The following KCNC1 variants were observed in gnomAD, a reference collection of about 807,000 sequenced individuals.
KCNC1 encodes voltage-gated potassium channel KCNC1.
Under a neutral mutation model 43.4 loss-of-function variants are expected in KCNC1, and 8 were observed. The observed-to-expected ratio is 0.18, with a 90% CI of 0.11 to 0.33. The LOEUF is 0.33. KCNC1 is among the 10% of genes least tolerant of loss of function. The probability of loss-of-function intolerance (pLI) is 1.00; values close to 1 mark genes in which losing one functional copy is unlikely to be tolerated. For missense variants in KCNC1, 420 were observed against 836.0 expected (o/e 0.50, Z 6.14); for synonymous variants, 361 against 360.5 (o/e 1.00, Z -0.01).
intron 1 of KCNC1, among the ~76,000 whole-genome samples, chr11:17,743,878 G>A (rs1052738925): frequency 2.6e-5 from 4 of 152,142 alleles, no homozygotes; most frequent in Non-Finnish European, 4.4e-5. Context: ...TCCTGCCCTC[G>A]CTGACGTCAT....
rs1018608386 is a variant in KCNC1, at chr11:17,776,811, G to T, written c.1505-2645G>T. ...GATTTATACAGTTGGCCCCTCGTTG[G>T]TTTCTCTTTCTTCAAGCCACCCCTC... On this transcript the variant is annotated intron_variant, in intron 2 of 3. Coordinates refer to ENST00000265969, the MANE Select transcript of KCNC1 (RefSeq NM_001112741.2). This position sits in a 1 kb window ranked among gnomAD's most constrained non-coding sequence, Gnocchi z 4.4. 6.1e-6 allele frequency: 6 copies of T among 985,380 alleles called. No homozygotes were observed. Among genetic ancestry groups the T allele is most frequent in the Non-Finnish European group, 7.2e-6 (6 of 830,092 alleles). 61.0% of individuals were successfully genotyped at this position (985,380 alleles called of 1,614,324 possible).
intron 1 of KCNC1, chr11:17,765,786 G>C (rs1170357080): frequency 1.3e-5 from 2 of 152,374 alleles, no homozygotes; most frequent in East Asian, 3.9e-4. Context: ...TGTGCCCCCT[G>C]TCAGGCCGGC....
intron 1 of KCNC1, among the ~76,000 whole-genome samples, chr11:17,740,794 G>A (rs1457022364): frequency 6.6e-6 from 1 of 152,148 alleles, no homozygotes; most frequent in Non-Finnish European, 1.5e-5. Flanking sequence ...TCCTGTGTCT[G>A]TCTCTCTGCC....
intron 1 of KCNC1, among the ~76,000 whole-genome samples, chr11:17,766,421 T>C (rs1186760047): frequency 2.6e-5 from 4 of 152,158 alleles, no homozygotes; most frequent in Non-Finnish European, 5.9e-5. Flanking sequence ...GTGGCTTGGA[T>C]TGGGAAGCAG....
chr11:17,742,401 G>A lies in KCNC1; in HGVS notation c.570+5829G>A, dbSNP rs1414483807. 1.3e-5 allele frequency among the ~76,000 whole-genome samples: 2 copies of A among 152,150 alleles called. No homozygotes were observed. The highest frequency in any genetic ancestry group is 2.1e-4 in the South Asian group (1 of 4,822). ...GGGCTGAGGATCTCAAGGCCTCCACGACAGCTGAATATAATGCCTCTGGCT... is the reference window on the plus strand; with the variant it reads ...GGGCTGAGGATCTCAAGGCCTCCACAACAGCTGAATATAATGCCTCTGGCT... On this transcript the variant is annotated intron_variant, in intron 1 of 3. Coordinates refer to ENST00000265969, the MANE Select transcript of KCNC1 (RefSeq NM_001112741.2). The surrounding 1 kb of genome is among the most constrained non-coding windows in gnomAD (Gnocchi z 4.2).
chr11:17,759,557 G>C (rs1455700157), intron 1 of KCNC1, among the ~76,000 whole-genome samples: 1 of 152,142 alleles, frequency 6.6e-6, no homozygotes, highest in East Asian at 1.9e-4. Flanking sequence ...TTGATTTAAA[G>C]TGAGAGGCAT....
At position 17,757,316 on chromosome 11, in the gene KCNC1, G is replaced by T. The variant is rs188976614; in HGVS notation, c.571-14349G>T. On this transcript the variant is annotated intron_variant, in intron 1 of 3. Transcript: ENST00000265969. The stretch of plus-strand genomic sequence containing the variant: ...GAAGCCCGAGGAAGCCTGGCCTGCA[G>T]GAGGGATGTCTCAGGGGCATGTCCT... 2.3e-3 allele frequency among the ~76,000 whole-genome samples: 355 copies of T among 152,320 alleles called. 2 individuals carry two copies. Among genetic ancestry groups the T allele is most frequent in the African/African-American group, 8.3e-3 (347 of 41,562 alleles).
chr11:17,739,670 AGTCT>A lies in KCNC1; in HGVS notation c.570+3101_570+3104del, dbSNP rs1332106451. 2.9e-5 allele frequency among the ~76,000 whole-genome samples: 3 copies of A among 101,962 alleles called. No homozygotes were observed. Among genetic ancestry groups the A allele is most frequent in the Non-Finnish European group, 5.6e-5 (3 of 53,218 alleles). 66.9% of individuals were successfully genotyped at this position (101,962 alleles called of 152,430 possible). The stretch of plus-strand genomic sequence containing the variant: ...ACTGTATATGTGGAGCTCATGTGTG[AGTCT>A]GTGTGTGTGTGTGTGTGTGTGTGTG... On this transcript the variant is annotated intron_variant, in intron 1 of 3. Transcript: ENST00000265969. This position sits in a 1 kb window ranked among gnomAD's most constrained non-coding sequence, Gnocchi z 4.2.
At position 17,777,099 on chromosome 11, in the gene KCNC1, C is replaced by T. The variant is rs1590108841; in HGVS notation, c.1505-2357C>T. ...CCTTGTCCCCTGCCCAAAACCATCC[C>T]GAACTTTGGGCCCTTTAGTGATTGT... is the stretch of plus-strand genomic sequence containing the variant. On this transcript the variant is annotated intron_variant, in intron 2 of 3. Coordinates refer to ENST00000265969, the MANE Select transcript of KCNC1 (RefSeq NM_001112741.2). This position sits in a 1 kb window ranked among gnomAD's most constrained non-coding sequence, Gnocchi z 4.3. The T allele has an allele frequency of 5.1e-6, 5 of 984,728 alleles. No individual in the cohort carries two copies. Among genetic ancestry groups the T allele is most frequent in the African/African-American group, 1.8e-5 (1 of 57,054 alleles). The allele number at this position is 984,728 out of a possible 1,614,324, so 61.0% of individuals were successfully genotyped here.
At chr11:17,766,886 G>A (rs956279959) in intron 1 of KCNC1, among the ~76,000 whole-genome samples, 3 of 151,138 alleles carry the variant, frequency 2.0e-5, no homozygotes, top group Admixed American at 1.3e-4. Context: ...TTGGGAGGCC[G>A]AGTCTGGCAG....
chr11:17,744,179 AGGTCGTG>A (rs2133781753), intron 1 of KCNC1, among the ~76,000 whole-genome samples: 1 of 152,262 alleles, frequency 6.6e-6, no homozygotes. Flanking sequence ...TAAAATACAG[AGGTCGTG>A]CTAACTGACG....
chr11:17,745,452 C>T (rs1358027316), intron 1 of KCNC1, among the ~76,000 whole-genome samples: 1 of 152,194 alleles, frequency 6.6e-6, no homozygotes, highest in Non-Finnish European at 1.5e-5. Context: ...AGCTACCCCC[C>T]CGTGGAAGCC....
At chr11:17,772,856 A>T (rs1849246089) in intron 2 of KCNC1, 10 of 1,330,938 alleles carry the variant, frequency 7.5e-6, no homozygotes, top group Non-Finnish European at 9.6e-6. Context: ...TTCTGAAGAG[A>T]CAACGCGGCC....
At chr11:17,747,331 G>A (rs957710172) in intron 1 of KCNC1, among the ~76,000 whole-genome samples, 1 of 152,202 alleles carries the variant, frequency 6.6e-6, no homozygotes, top group South Asian at 2.1e-4. Context: ...GGTGTGGCAG[G>A]GTATAAAGGG....
intron 1 of KCNC1, among the ~76,000 whole-genome samples, chr11:17,737,352 AGGGGGT>A (rs1848779710): frequency 6.6e-6 from 1 of 151,210 alleles, no homozygotes. Context: ...TGGTGGGGAG[AGGGGGT>A]CGGTCCTTAA....
chr11:17,742,244 C>G lies in KCNC1; in HGVS notation c.570+5672C>G, dbSNP rs1349352680. On this transcript the variant is annotated intron_variant, in intron 1 of 3. Coordinates refer to ENST00000265969, the MANE Select transcript of KCNC1 (RefSeq NM_001112741.2). The surrounding 1 kb of genome is among the most constrained non-coding windows in gnomAD (Gnocchi z 4.2). Reference sequence around the variant, plus strand: ...CATTTGGAGTCTGTGCTCCTTGACTCTGAGCAGGAGGCCTGGCCTCTGCCA... The same window carrying G: ...CATTTGGAGTCTGTGCTCCTTGACTGTGAGCAGGAGGCCTGGCCTCTGCCA... Among the ~76,000 whole-genome samples, 1 of 151,958 alleles carries G rather than the reference C, an allele frequency of 6.6e-6. No individual in the cohort carries two copies. Among genetic ancestry groups the G allele is most frequent in the East Asian group, 1.9e-4 (1 of 5,172 alleles).
At chr11:17,761,517 C>T (rs1415036722) in intron 1 of KCNC1, among the ~76,000 whole-genome samples, 1 of 152,202 alleles carries the variant, frequency 6.6e-6, no homozygotes, top group African/African-American at 2.4e-5. Flanking sequence ...TGTTGTCTTA[C>T]TTCCTGGAGT....
intron 1 of KCNC1, among the ~76,000 whole-genome samples, chr11:17,752,856 G>A (rs1003429299): frequency 1.3e-5 from 2 of 152,198 alleles, no homozygotes; most frequent in Non-Finnish European, 2.9e-5. Context: ...GTGTCAGTAC[G>A]TGGTAGCTGC....
At chr11:17,766,614 T>C (rs72868374) in intron 1 of KCNC1, among the ~76,000 whole-genome samples, 6,413 of 152,218 alleles carry the variant, frequency 0.042, 209 homozygotes, top group Non-Finnish European at 0.063. Flanking sequence ...CTTATTCCAG[T>C]TGCTAGCAGA....
Sources: allele counts gnomAD v4.1 joint callset (sites outside exome capture counted in the v4.1 genomes callset), GRCh38; gene constraint gnomAD v4.1.1; non-coding constraint Gnocchi (gnomAD v3.1); transcripts MANE v1.5; gene names NCBI Gene and HGNC (gene_info 2026-07-23, HGNC 2026-07-21).